Variants in CAMTA1 observed in about 807,000 individuals in gnomAD.
CAMTA1 encodes the protein calmodulin binding transcription activator 1, also known as calmodulin-binding transcription activator 1.
A neutral mutation model predicts 170.9 loss-of-function variants in CAMTA1; 27 were observed. The ratio of observed to expected loss-of-function variants is 0.16; its 90% confidence interval spans 0.12 to 0.22. The LOEUF (loss-of-function observed/expected upper bound fraction) is 0.22, where lower values mean the gene tolerates loss of function less well. CAMTA1 is among the 10% of genes least tolerant of loss of function. The pLI is 1.00. For synonymous variants in CAMTA1, 833 were observed against 891.5 expected, an observed-to-expected ratio of 0.93 and a Z score of 1.17; for missense variants, 1,619 against 2,217.2, an observed-to-expected ratio of 0.73 and a Z score of 5.42.
chr1:7,698,927 C>T (rs1165330723), intron 11 of CAMTA1: 1 of 152,288 alleles, frequency 6.6e-6, no homozygotes, highest in Non-Finnish European at 1.5e-5. Context: ...TTCAGATTCC[C>T]CTCCTGCCAC....
intron 5 of CAMTA1, among the ~76,000 whole-genome samples, chr1:7,323,617 G>C (rs1474549971): frequency 2.0e-5 from 3 of 147,278 alleles, no homozygotes; most frequent in South Asian, 2.1e-4. Context: ...CCACTTCCCA[G>C]GTTCAAACAA....
In CAMTA1 at chr1:7,093,803, G is replaced by C. The variant is rs923399050; in HGVS notation, c.302+2432G>C. On this transcript the variant is annotated intron_variant, in intron 4 of 22. Transcript: ENST00000303635. This position sits in a 1 kb window ranked among gnomAD's most constrained non-coding sequence, Gnocchi z 4.6. ...CAGATGTGGTCAAGTCCGGGTTTGA[G>C]TCCTGGCTCCGTCACTCAGTGGCTT... is the stretch of plus-strand genomic sequence containing the variant. Among the ~76,000 whole-genome samples the C allele has an allele frequency of 9.2e-5, 14 of 152,164 alleles. No individual in the cohort carries two copies. The highest frequency in any genetic ancestry group is 3.4e-4 in the African/African-American group (14 of 41,444).
chr1:7,152,315 C>T (rs1175142060), intron 4 of CAMTA1, among the ~76,000 whole-genome samples: 4 of 152,176 alleles, frequency 2.6e-5, no homozygotes, highest in Non-Finnish European at 5.9e-5. Flanking sequence ...CGTTTCTGTT[C>T]TCCTTAGAGT....
At chr1:7,509,365 G>A (rs2094168401) in intron 6 of CAMTA1, among the ~76,000 whole-genome samples, 1 of 152,152 alleles carries the variant, frequency 6.6e-6, no homozygotes, top group South Asian at 2.1e-4. Flanking sequence ...CCAGAGCCAG[G>A]CAACACTTGG....
At chr1:7,076,198 C>A (rs56414163) in intron 3 of CAMTA1, among the ~76,000 whole-genome samples, 24,815 of 152,164 alleles carry the variant, frequency 0.16, 2,428 homozygotes, top group Middle Eastern at 0.27. Flanking sequence ...ACTGTCATCA[C>A]GTTGGACAAG....
At chr1:7,535,064 C>T (rs947192319) in intron 6 of CAMTA1, among the ~76,000 whole-genome samples, 9 of 152,078 alleles carry the variant, frequency 5.9e-5, no homozygotes, top group Admixed American at 1.3e-4. Flanking sequence ...CACCACAGGC[C>T]GCCCGCCCCA....
intron 7 of CAMTA1, among the ~76,000 whole-genome samples, chr1:7,646,197 C>G (rs2095802513): frequency 7.1e-6 from 1 of 141,518 alleles, no homozygotes; most frequent in Non-Finnish European, 1.5e-5. Flanking sequence ...AGGGTGGAGG[C>G]CATGGTGATT....
At chr1:6,995,290 C>CTTTTTTTTT (rs1212463100) in intron 3 of CAMTA1, among the ~76,000 whole-genome samples, 4 of 82,276 alleles carry the variant, frequency 4.9e-5, no homozygotes, top group Admixed American at 1.3e-4. Context: ...TCTTTTTTTT[C>CTTTTTTTTT]TTTTCTTTTT....
chr1:6,811,495 A>G (rs1367650507), intron 1 of CAMTA1, among the ~76,000 whole-genome samples: 1 of 152,140 alleles, frequency 6.6e-6, no homozygotes, highest in Non-Finnish European at 1.5e-5. Context: ...TATTGTTTAA[A>G]AAAACAATCT....
At chr1:7,312,865 T>C (rs560980228) in intron 5 of CAMTA1, among the ~76,000 whole-genome samples, 15 of 152,260 alleles carry the variant, frequency 9.9e-5, no homozygotes, top group Non-Finnish European at 1.6e-4. Context: ...TTTGAGTTTT[T>C]GTTTTAAAGA....
At chr1:7,257,698 T>A (rs6701388) in intron 5 of CAMTA1, among the ~76,000 whole-genome samples, 90,368 of 151,990 alleles carry the variant, frequency 0.59, 27,479 homozygotes, top group African/African-American at 0.65. Flanking sequence ...AAATGTGAAT[T>A]TCAGATAAAC....
In CAMTA1 at chr1:6,887,774, C is replaced by T. The variant is rs1268708187; in HGVS notation, c.234+62564C>T. 13 of 1,533,016 alleles carry T rather than the reference C, an allele frequency of 8.5e-6. No individual in the cohort carries two copies. Among genetic ancestry groups the T allele is most frequent in the African/African-American group, 1.4e-5 (1 of 72,944 alleles). 95.0% of individuals were successfully genotyped at this position (1,533,016 alleles called of 1,614,324 possible). On this transcript the variant is annotated intron_variant, in intron 3 of 22. Transcript: ENST00000303635. This position sits in a 1 kb window ranked among gnomAD's most constrained non-coding sequence, Gnocchi z 4.1. ...AATTCGTAGGGAGAGCTTTCCCATC[C>T]TGCCAGCCCCATGTCTGGCTTTAAG...
In CAMTA1 at chr1:7,622,729, G is replaced by A. The variant is rs562070072; in HGVS notation, c.511-17671G>A. 1.2e-4 allele frequency among the ~76,000 whole-genome samples: 18 copies of A among 152,318 alleles called. No homozygotes were observed. In the South Asian group the frequency reaches 3.1e-3, roughly 26 times the overall value. On this transcript the variant is annotated intron_variant, in intron 6 of 22. Coordinates refer to ENST00000303635, the MANE Select transcript of CAMTA1 (RefSeq NM_015215.4). ...GTGGAGGCTTATTCAACATTAAAGC[G>A]TTCCTGAACCATTTCATTTATTCAA...
intron 3 of CAMTA1, among the ~76,000 whole-genome samples, chr1:6,936,411 T>C (rs74051063): frequency 0.13 from 20,206 of 152,012 alleles, 1,494 homozygotes; most frequent in East Asian, 0.23. Flanking sequence ...GCTGAGTGTT[T>C]CTGGTGGTGC....
rs145559470 is a variant in CAMTA1, at chr1:7,390,509, C to A, written c.439-77321C>A. On this transcript the variant is annotated intron_variant, in intron 5 of 22. Coordinates refer to ENST00000303635, the MANE Select transcript of CAMTA1 (RefSeq NM_015215.4). The stretch of plus-strand genomic sequence containing the variant: ...CCAGGATTGGCCCTGCTGCTTACTA[C>A]TCCTGAGCCCCTGCAAGTGAGTTCT... Among the ~76,000 whole-genome samples the A allele has an allele frequency of 2.8e-3, 423 of 152,348 alleles. 1 individual carries two copies. Among genetic ancestry groups the A allele is most frequent in the Middle Eastern group, 0.01 (3 of 292 alleles).
At chr1:6,892,992 G>A (rs75865752) in intron 3 of CAMTA1, among the ~76,000 whole-genome samples, 2 of 151,560 alleles carry the variant, frequency 1.3e-5, no homozygotes, top group African/African-American at 4.8e-5. Flanking sequence ...AAAAAAAAAA[G>A]AGCTGTGGCC....
intron 3 of CAMTA1, among the ~76,000 whole-genome samples, chr1:6,839,579 G>A (rs545614719): frequency 4.6e-5 from 7 of 152,260 alleles, no homozygotes; most frequent in African/African-American, 9.6e-5. Flanking sequence ...AAACAAGTAG[G>A]TGAGGATTTC....
chr1:7,718,554 C>CTTTT (rs34752156), intron 11 of CAMTA1, among the ~76,000 whole-genome samples: 1 of 123,544 alleles, frequency 8.1e-6, no homozygotes, highest in Non-Finnish European at 1.7e-5. Context: ...CATTACAGCA[C>CTTTT]TTTTTTTTTT....
chr1:7,541,782 A>T lies in CAMTA1; in HGVS notation c.510+73881A>T, dbSNP rs1194157911. 2.0e-5 allele frequency among the ~76,000 whole-genome samples: 3 copies of T among 152,200 alleles called. No homozygotes were observed. The East Asian group carries it at 5.8e-4, about 29-fold the overall frequency. On this transcript the variant is annotated intron_variant, in intron 6 of 22. Transcript: ENST00000303635. The stretch of plus-strand genomic sequence containing the variant: ...CTTGCAGGCACCAGGGTGGTCACCC[A>T]CAGGGGTTCTGGTGAACTCAAGATC...
Sources: allele counts gnomAD v4.1 joint callset (sites outside exome capture counted in the v4.1 genomes callset), GRCh38; gene constraint gnomAD v4.1.1; non-coding constraint Gnocchi (gnomAD v3.1); transcripts MANE v1.5; gene names NCBI Gene and HGNC (gene_info 2026-07-23, HGNC 2026-07-21).